CYP2C19: variants seen among roughly 807,000 people sequenced by gnomAD.
CYP2C19 encodes the protein cytochrome P450 family 2 subfamily C member 19.
CYP2C19 carries 59 observed loss-of-function variants against 40.9 expected under a neutral mutation model. The ratio of observed to expected loss-of-function variants is 1.44; its 90% CI spans 1.17 to 1.79. The LOEUF is 1.79. CYP2C19 is among the 40% of genes most tolerant of loss of function. The pLI, the probability that CYP2C19 is intolerant of heterozygous loss-of-function variation, is 0.00. For synonymous variants in CYP2C19, 253 were observed against 208.7 expected (o/e 1.21, Z -1.83); for missense variants, 754 against 596.9 (o/e 1.26, Z -2.74).
chr10:94,803,631 G>T (rs1346224389), intron 5 of CYP2C19, among the ~76,000 whole-genome samples: 1 of 152,124 alleles, frequency 6.6e-6, no homozygotes. Context: ...TAATCCAGTG[G>T]GCAGACTTGA....
At position 94,854,458 on chromosome 10, in the gene CYP2C19, G is replaced by A. The variant is rs1457798282; in HGVS notation, c.*1544G>A. The stretch of plus-strand genomic sequence containing the variant: ...AGCCTCATGTCATCTCCAAAGCATA[G>A]ACAACTAAGTATCTTATGTTAAATT... On this transcript the variant is annotated 3_prime_UTR_variant, in exon 9 of 9. Transcript: ENST00000371321. Among the ~76,000 whole-genome samples the A allele has an allele frequency of 2.6e-5, 4 of 151,848 alleles. No homozygotes were observed. Among genetic ancestry groups the A allele is most frequent in the African/African-American group, 9.7e-5 (4 of 41,322 alleles).
chr10:94,801,982 T>C (rs1466869433), intron 5 of CYP2C19, among the ~76,000 whole-genome samples: 1 of 152,176 alleles, frequency 6.6e-6, no homozygotes, highest in Non-Finnish European at 1.5e-5. Flanking sequence ...AACAAAGCTT[T>C]GACATCATGG....
intron 6 of CYP2C19, among the ~76,000 whole-genome samples, chr10:94,840,877 C>A (rs571784185): frequency 2.8e-4 from 43 of 152,302 alleles, no homozygotes; most frequent in African/African-American, 9.6e-4. Context: ...CTGGTGGCCA[C>A]GCTAATCATT....
intron 6 of CYP2C19, among the ~76,000 whole-genome samples, chr10:94,840,626 T>G (rs1162729409): frequency 6.6e-6 from 1 of 151,864 alleles, no homozygotes. Flanking sequence ...GAGGTATGGG[T>G]CAGAAGGAAA....
intron 5 of CYP2C19, among the ~76,000 whole-genome samples, chr10:94,810,182 C>G (rs1344215431): frequency 6.6e-6 from 1 of 152,130 alleles, no homozygotes; most frequent in Non-Finnish European, 1.5e-5. Context: ...GCCCGGCCTA[C>G]ATTTATTGAT....
chr10:94,833,624 A>T (rs1849361648), intron 6 of CYP2C19, among the ~76,000 whole-genome samples: 1 of 152,248 alleles, frequency 6.6e-6, no homozygotes, highest in Admixed American at 6.5e-5. Flanking sequence ...AGCCATAAAA[A>T]ATGATGAGTT....
intron 4 of CYP2C19, 94 bp from the exon 5 acceptor site, chr10:94,781,727 T>C: frequency 5.9e-6 from 3 of 512,320 alleles, no homozygotes; most frequent in Non-Finnish European, 9.1e-6. Context: ...ATTTTATTTA[T>C]ATTTATAGTT....
chr10:94,822,260 A>C (rs1460666867), intron 6 of CYP2C19, among the ~76,000 whole-genome samples: 1 of 152,038 alleles, frequency 6.6e-6, no homozygotes, highest in Non-Finnish European at 1.5e-5. Context: ...CATGACTGGA[A>C]AGGCCTCACA....
intron 5 of CYP2C19, among the ~76,000 whole-genome samples, chr10:94,799,409 G>C (rs977301046): frequency 1.3e-5 from 2 of 152,130 alleles, no homozygotes; most frequent in South Asian, 2.1e-4. Context: ...TGGGTAACCT[G>C]AGATTTCTCT....
At chr10:94,766,036 A>T (rs1169019240) in intron 1 of CYP2C19, among the ~76,000 whole-genome samples, 1 of 152,162 alleles carries the variant, frequency 6.6e-6, no homozygotes, top group Non-Finnish European at 1.5e-5. Flanking sequence ...CTGTTAGGGT[A>T]TTCTTGGTCC....
chr10:94,775,060 C>G lies in CYP2C19; in HGVS notation c.171C>G (p.Leu57=), dbSNP rs779668039. The G allele has an allele frequency of 2.5e-6, 4 of 1,613,864 alleles. No individual in the cohort carries two copies. Among genetic ancestry groups the G allele is most frequent in the Non-Finnish European group, 3.4e-6 (4 of 1,179,950 alleles). The part of the protein sequence containing the change: ...IKDVSKSLTN[L]SKIYGPVFTL... ...GTTAACTGTATCTCCTTTTCTAGCTCTCAAAAATCTATGGCCCTGTGTTCA... is the reference window on the plus strand; with the variant it reads ...GTTAACTGTATCTCCTTTTCTAGCTGTCAAAAATCTATGGCCCTGTGTTCA... Residue 57 remains leucine, a splice_region_variant and synonymous_variant, in exon 2 of 9, where the codon CTC becomes CTG. Coordinates refer to ENST00000371321, the MANE Select transcript of CYP2C19 (RefSeq NM_000769.4).
intron 6 of CYP2C19, among the ~76,000 whole-genome samples, chr10:94,830,329 C>T (rs76898372): frequency 5.9e-5 from 9 of 152,112 alleles, no homozygotes; most frequent in South Asian, 2.1e-4. Flanking sequence ...TAGGACCCTC[C>T]GAGCCAGGTG....
Position 94,842,731 on chromosome 10 carries a change from A to G in CYP2C19, c.962-106A>G, listed in dbSNP as rs1193887087. 2.4e-6 allele frequency: 3 copies of G among 1,243,682 alleles called. No homozygotes were observed. In the African/African-American group the frequency reaches 4.5e-5, roughly 18 times the overall value. The allele number at this position is 1,243,682 out of a possible 1,614,324, so 77.0% of individuals were successfully genotyped here. ...ACTTCCAGCACTATAATTTAAATTT[A>G]TTATGATGTTTGGATACCTTCATCA... On this transcript the variant is annotated intron_variant, in intron 6 of 8. Transcript: ENST00000371321.
At chr10:94,812,977 G>GTT (rs547311018) in intron 5 of CYP2C19, among the ~76,000 whole-genome samples, 9 of 148,600 alleles carry the variant, frequency 6.1e-5, no homozygotes, top group East Asian at 2.0e-4. Flanking sequence ...TTTTTGTGCT[G>GTT]TTTTTTTTTT....
intron 5 of CYP2C19, among the ~76,000 whole-genome samples, chr10:94,785,353 G>A (rs1241479979): frequency 6.6e-6 from 1 of 152,032 alleles, no homozygotes; most frequent in Non-Finnish European, 1.5e-5. Flanking sequence ...GTGAGGTAGG[G>A]TAGGTCCCAG....
At position 94,772,054 on chromosome 10, in the gene CYP2C19, T is replaced by G. The variant is rs563862662; in HGVS notation, c.169-3004T>G. ...AGTCCTAAGTGTTCTCCTGTTAGTATTGGGACTTTACCTGTGTCCTATGAA... is the reference window on the plus strand; with the variant it reads ...AGTCCTAAGTGTTCTCCTGTTAGTAGTGGGACTTTACCTGTGTCCTATGAA... On this transcript the variant is annotated intron_variant, in intron 1 of 8. Coordinates refer to ENST00000371321, the MANE Select transcript of CYP2C19 (RefSeq NM_000769.4). Among the ~76,000 whole-genome samples, 13 of 152,252 alleles carry G rather than the reference T, an allele frequency of 8.5e-5. No individual in the cohort carries two copies. The South Asian group carries it at 2.5e-3, about 29-fold the overall frequency.
intron 5 of CYP2C19, among the ~76,000 whole-genome samples, chr10:94,785,874 G>T (rs1263684616): frequency 6.6e-6 from 1 of 152,050 alleles, no homozygotes; most frequent in African/African-American, 2.4e-5. Context: ...AGACAAGATG[G>T]CGCTGGTCAA....
At chr10:94,772,752 CT>C (rs1229043778) in intron 1 of CYP2C19, among the ~76,000 whole-genome samples, 4 of 152,136 alleles carry the variant, frequency 2.6e-5, no homozygotes, top group African/African-American at 9.7e-5. Context: ...CCTGACACCC[CT>C]GTCTTTAGTC....
At chr10:94,820,416 A>G in intron 5 of CYP2C19, 80 bp from the exon 6 acceptor site, 6 of 1,499,510 alleles carry the variant, frequency 4.0e-6, no homozygotes, top group Non-Finnish European at 5.6e-6. Flanking sequence ...GTAAGTATAC[A>G]ATGTGAGTAA....
Sources: allele counts gnomAD v4.1 joint callset (sites outside exome capture counted in the v4.1 genomes callset), GRCh38; gene constraint gnomAD v4.1.1; transcripts MANE v1.5; gene names NCBI Gene and HGNC (gene_info 2026-07-23, HGNC 2026-07-21).